ASPH: variants seen among roughly 807,000 people sequenced by gnomAD.
The protein encoded by ASPH is aspartyl/asparaginyl beta-hydroxylase.
In ASPH, 100 loss-of-function variants were observed where a neutral mutation model predicts 118.4. The ratio of observed to expected loss-of-function variants is 0.84; its 90% CI spans 0.72 to 1.00. ASPH has a LOEUF of 1.00. Ranked by LOEUF, ASPH falls within the 50% of genes least tolerant of loss-of-function variation. The probability of loss-of-function intolerance (pLI) is 0.00; values close to 1 mark genes in which losing one functional copy is unlikely to be tolerated. For missense variants in ASPH, 920 were observed against 919.5 expected (o/e 1.00, Z -0.01); for synonymous variants, 315 against 325.6 (o/e 0.97, Z 0.35).
chr8:61,540,347 C>T (rs1292848689), intron 21 of ASPH, among the ~76,000 whole-genome samples: 1 of 152,078 alleles, frequency 6.6e-6, no homozygotes, highest in East Asian at 1.9e-4. Context: ...GTACTGTCCT[C>T]GTGATAGTGA....
chr8:61,540,002 T>G (rs1178560573), intron 21 of ASPH, among the ~76,000 whole-genome samples: 1 of 152,124 alleles, frequency 6.6e-6, no homozygotes, highest in Non-Finnish European at 1.5e-5. Flanking sequence ...TCAATTTCTA[T>G]GTTAAATAAG....
intron 5 of ASPH, among the ~76,000 whole-genome samples, chr8:61,648,496 T>A (rs1444862633): frequency 6.6e-6 from 1 of 152,234 alleles, no homozygotes; most frequent in East Asian, 1.9e-4. Context: ...GCTACAAATT[T>A]TACTTCTCTT....
Position 61,655,853 on chromosome 8 carries a change from A to C in ASPH, c.323-2193T>G, listed in dbSNP as rs899913072. Among the ~76,000 whole-genome samples the C allele has an allele frequency of 2.5e-4, 38 of 151,712 alleles. 1 individual carries two copies. Among genetic ancestry groups the C allele is most frequent in the African/African-American group, 8.0e-4 (33 of 41,316 alleles). ...CTATTTCCAGATATGAAATCAGTAC[A>C]AAAAAAAATTGTAAACTTCAAAGAA... On this transcript the variant is annotated intron_variant, in intron 3 of 24. Coordinates refer to ENST00000379454, the MANE Select transcript of ASPH (RefSeq NM_004318.4).
At chr8:61,607,189 T>TTAGCTAGAAGC in intron 14 of ASPH, 1 of 676,136 alleles carries the variant, frequency 1.5e-6, no homozygotes, top group Admixed American at 2.3e-5. Context: ...ATCATCCTTC[T>TTAGCTAGAAGC]TAGCTAGAAG....
chr8:61,674,357 A>T (rs1385315713), intron 3 of ASPH, among the ~76,000 whole-genome samples: 1 of 152,264 alleles, frequency 6.6e-6, no homozygotes, highest in African/African-American at 2.4e-5. Flanking sequence ...CATTTGTTGC[A>T]GAACATGCTA....
At chr8:61,522,321 G>C (rs1813410551) in intron 22 of ASPH, among the ~76,000 whole-genome samples, 1 of 152,180 alleles carries the variant, frequency 6.6e-6, no homozygotes, top group Non-Finnish European at 1.5e-5. Context: ...TTAAACAACA[G>C]AAGTGTATTT....
chr8:61,567,759 T>C (rs1053576538), intron 16 of ASPH, among the ~76,000 whole-genome samples: 1 of 152,230 alleles, frequency 6.6e-6, no homozygotes, highest in South Asian at 2.1e-4. Flanking sequence ...CCCTTTTTGC[T>C]TCTACTTTGC....
chr8:61,552,745 C>T (rs1420668047), intron 20 of ASPH, among the ~76,000 whole-genome samples: 1 of 152,138 alleles, frequency 6.6e-6, no homozygotes, highest in African/African-American at 2.4e-5. Flanking sequence ...CAGATACACA[C>T]AGACAAAAAC....
chr8:61,534,640 T>C (rs1818812292), intron 21 of ASPH, among the ~76,000 whole-genome samples: 1 of 152,254 alleles, frequency 6.6e-6, no homozygotes, highest in Non-Finnish European at 1.5e-5. Context: ...CAGATGATGA[T>C]ACAAGTGATA....
intron 3 of ASPH, chr8:61,656,812 C>G (rs892942128): frequency 1.3e-5 from 2 of 152,162 alleles, no homozygotes; most frequent in South Asian, 2.1e-4. Context: ...ATCAACCACT[C>G]ATAGCAAATA....
intron 24 of ASPH, among the ~76,000 whole-genome samples, chr8:61,516,010 T>A (rs1810762904): frequency 6.6e-6 from 1 of 152,232 alleles, no homozygotes; most frequent in Non-Finnish European, 1.5e-5. Context: ...AGTTTGGGAT[T>A]CAAAGCCTCC....
chr8:61,507,382 G>T (rs994979176), intron 24 of ASPH, among the ~76,000 whole-genome samples: 51 of 152,212 alleles, frequency 3.4e-4, no homozygotes, highest in African/African-American at 1.2e-3. Context: ...GAAAGTGAGT[G>T]CTGTCGGACT....
intron 3 of ASPH, among the ~76,000 whole-genome samples, chr8:61,665,892 C>T (rs1256515848): frequency 6.6e-6 from 1 of 152,052 alleles, no homozygotes; most frequent in African/African-American, 2.4e-5. Flanking sequence ...AAATTGAGGG[C>T]ACCACGAAGG....
At chr8:61,679,302 A>G (rs1464280573) in intron 3 of ASPH, among the ~76,000 whole-genome samples, 1 of 152,148 alleles carries the variant, frequency 6.6e-6, no homozygotes, top group Admixed American at 6.6e-5. Flanking sequence ...CTCCAAGTGT[A>G]TAATTCTTAT....
chr8:61,607,292 G>A (rs539900483), intron 14 of ASPH: 9 of 702,032 alleles, frequency 1.3e-5, no homozygotes, highest in Non-Finnish European at 1.6e-5. Context: ...GGTGCAAGCC[G>A]CCTGGCTTTC....
intron 3 of ASPH, among the ~76,000 whole-genome samples, chr8:61,662,257 T>A (rs1200271684): frequency 1.6e-4 from 25 of 152,228 alleles, no homozygotes; most frequent in Admixed American, 1.6e-3. Flanking sequence ...ATGCCAATAA[T>A]GTCATTTAAA....
intron 14 of ASPH, among the ~76,000 whole-genome samples, chr8:61,611,074 G>A (rs1161376624): frequency 6.6e-6 from 1 of 152,202 alleles, no homozygotes; most frequent in Non-Finnish European, 1.5e-5. Flanking sequence ...AAGCTCACAA[G>A]CCAAAGCATC....
At chr8:61,620,708 T>C (rs970033489) in intron 13 of ASPH, among the ~76,000 whole-genome samples, 21 of 152,188 alleles carry the variant, frequency 1.4e-4, no homozygotes, top group African/African-American at 4.8e-4. Flanking sequence ...CTGAAGGAGC[T>C]CTTCCTAGTG....
chr8:61,672,439 GGTTT>G (rs367689958), intron 3 of ASPH, among the ~76,000 whole-genome samples: 21 of 151,936 alleles, frequency 1.4e-4, no homozygotes, highest in African/African-American at 4.8e-4. Flanking sequence ...TGTTAGCATA[GGTTT>G]GTTATAGAAA....
Sources: gnomAD v4.1 joint callset for allele counts (sites outside exome capture counted in the v4.1 genomes callset) on GRCh38, gnomAD v4.1.1 for gene constraint, MANE v1.5 for transcripts, NCBI Gene and HGNC (gene_info 2026-07-23, HGNC 2026-07-21) for gene names.